GPHN: variants seen among roughly 807,000 people sequenced by gnomAD.
GPHN encodes the protein gephyrin.
GPHN carries 17 observed loss-of-function variants against 95.5 expected under a neutral mutation model. The observed-to-expected ratio is 0.18, with a 90% confidence interval of 0.12 to 0.27. GPHN has a LOEUF of 0.27. GPHN is among the 10% of genes least tolerant of loss of function. The pLI, the probability that GPHN is intolerant of heterozygous loss-of-function variation, is 1.00. For synonymous variants in GPHN, 320 were observed against 322.5 expected (o/e 0.99, Z 0.08); for missense variants, 660 against 978.1 (o/e 0.67, Z 4.34).
At chr14:66,961,984 A>G (rs1596525940) in intron 8 of GPHN, among the ~76,000 whole-genome samples, 1 of 136,120 alleles carries the variant, frequency 7.3e-6, no homozygotes, top group African/African-American at 2.6e-5. Flanking sequence ...CATGGGTATC[A>G]TAACACCCAT....
At chr14:67,488,600 C>T in the GPHN span, 1 of 152,338 alleles carries the variant, frequency 6.6e-6, no homozygotes, top group Non-Finnish European at 1.5e-5. Flanking sequence ...CATGTCCGAA[C>T]CCTCTGGGAC....
rs367567656 is a variant in GPHN at position 67,115,696 on chromosome 14, C to T, written c.1626+2525C>T. Reference sequence around the variant, plus strand: ...GTTGCAGTGAGCTGAGATCGTGCCACGGCACTCCAGCCTGGGTGAGAGAGA... The same window carrying T: ...GTTGCAGTGAGCTGAGATCGTGCCATGGCACTCCAGCCTGGGTGAGAGAGA... On this transcript the variant is annotated intron_variant, in intron 16 of 22. Coordinates refer to ENST00000478722, the MANE Select transcript of GPHN (RefSeq NM_020806.5). Among the ~76,000 whole-genome samples the T allele has an allele frequency of 3.8e-4, 57 of 151,090 alleles. No individual in the cohort carries two copies. The East Asian group carries it at 9.9e-3, about 26-fold the overall frequency.
chr14:67,632,012 C>T, the GPHN span, among the ~76,000 whole-genome samples: 2 of 152,128 alleles, frequency 1.3e-5, no homozygotes, highest in African/African-American at 4.8e-5. Flanking sequence ...GTAGCTTGGA[C>T]CACAGGCTTG....
intron 10 of GPHN, among the ~76,000 whole-genome samples, chr14:67,037,391 C>T (rs764227302): frequency 2.6e-5 from 4 of 151,826 alleles, no homozygotes; most frequent in South Asian, 2.1e-4. Context: ...AAATGGGAAA[C>T]GATCTCTTGG....
chr14:67,328,499 A>G, the GPHN span, among the ~76,000 whole-genome samples: 1 of 152,084 alleles, frequency 6.6e-6, no homozygotes, highest in Admixed American at 6.5e-5. Context: ...CCATTTGTCA[A>G]TTTTGAGTTT....
chr14:67,052,021 A>G (rs1483609117), intron 10 of GPHN, among the ~76,000 whole-genome samples: 7 of 152,234 alleles, frequency 4.6e-5, no homozygotes, highest in African/African-American at 7.2e-5. Flanking sequence ...TAAAGTACAC[A>G]GACCAATGAC....
intron 4 of GPHN, among the ~76,000 whole-genome samples, chr14:66,870,781 A>G (rs766093937): frequency 1.6e-4 from 25 of 152,192 alleles, no homozygotes; most frequent in Non-Finnish European, 3.4e-4. Flanking sequence ...GTAACATAGA[A>G]AAGTATCCAT....
chr14:67,249,209 G>A, the GPHN span, among the ~76,000 whole-genome samples: 6 of 151,022 alleles, frequency 4.0e-5, no homozygotes, highest in Middle Eastern at 7.2e-3. Context: ...TGATTTGCAC[G>A]TCTCGGCCTC....
the GPHN span, chr14:67,364,591 T>C: frequency 1.7e-6 from 1 of 590,792 alleles, no homozygotes; most frequent in African/African-American, 1.9e-5. Flanking sequence ...AAAGCTTGGT[T>C]CCTGAACATT....
intron 1 of GPHN, among the ~76,000 whole-genome samples, chr14:66,620,811 T>C (rs1247231067): frequency 6.6e-6 from 1 of 152,200 alleles, no homozygotes; most frequent in Admixed American, 6.5e-5. Context: ...AAGTCCCTTC[T>C]GCCTATAAGC....
chr14:66,841,071 A>G (rs1229457560), intron 4 of GPHN, among the ~76,000 whole-genome samples: 1 of 151,488 alleles, frequency 6.6e-6, no homozygotes, highest in East Asian at 1.9e-4. Flanking sequence ...GGCACTGTTT[A>G]AGATGTTGAG....
chr14:67,657,681 C>T, the GPHN span, among the ~76,000 whole-genome samples: 2 of 151,822 alleles, frequency 1.3e-5, no homozygotes, highest in Non-Finnish European at 2.9e-5. Flanking sequence ...TGACCACTGG[C>T]AGTAGGACCA....
At chr14:66,932,450 T>TG (rs2066860610) in intron 8 of GPHN, among the ~76,000 whole-genome samples, 3 of 103,742 alleles carry the variant, frequency 2.9e-5, no homozygotes, top group Admixed American at 9.7e-5. Flanking sequence ...CCAGGTTTTT[T>TG]TTTTTTTTTT....
intron 1 of GPHN, among the ~76,000 whole-genome samples, chr14:66,597,914 CA>C (rs1380450256): frequency 2.6e-5 from 4 of 152,176 alleles, no homozygotes; most frequent in African/African-American, 7.2e-5. Context: ...ATGAAGAAAA[CA>C]TGTTATATAT....
the GPHN span, chr14:67,573,401 G>A: frequency 1.5e-5 from 22 of 1,425,562 alleles, no homozygotes; most frequent in Admixed American, 1.0e-4. The surrounding 1 kb of genome is among the most constrained non-coding windows in gnomAD (Gnocchi z 4.8). Flanking sequence ...GAGTCTCCCC[G>A]CCCAGCACTG....
chr14:67,484,678 T>C, the GPHN span, among the ~76,000 whole-genome samples: 1 of 152,038 alleles, frequency 6.6e-6, no homozygotes, highest in Non-Finnish European at 1.5e-5. Context: ...AATCCCAGCA[T>C]TTTGGGAGGC....
chr14:66,700,830 G>T (rs1221457836), intron 2 of GPHN, among the ~76,000 whole-genome samples: 41 of 152,120 alleles, frequency 2.7e-4, no homozygotes. Context: ...AGCTGAGGCA[G>T]GAGAATCGCT....
intron 1 of GPHN, among the ~76,000 whole-genome samples, chr14:66,530,887 C>T (rs1327286575): frequency 6.6e-6 from 1 of 151,580 alleles, no homozygotes; most frequent in Non-Finnish European, 1.5e-5. Flanking sequence ...AGCTGCAGAT[C>T]GAAGCTGTTC....
intron 8 of GPHN, 43 bp from the exon 9 acceptor site, chr14:66,965,148 G>A: frequency 6.4e-7 from 1 of 1,555,672 alleles, no homozygotes; most frequent in Non-Finnish European, 8.9e-7. Flanking sequence ...ACATGTTATT[G>A]ACATTTTCAG....
Sources: allele counts gnomAD v4.1 joint callset (sites outside exome capture counted in the v4.1 genomes callset), GRCh38; gene constraint gnomAD v4.1.1; non-coding constraint Gnocchi (gnomAD v3.1); transcripts MANE v1.5; gene names NCBI Gene and HGNC (gene_info 2026-07-23, HGNC 2026-07-21).